The following HS3ST3B1 variants were observed in gnomAD, a reference collection of about 807,000 sequenced individuals.
HS3ST3B1 encodes heparan sulfate glucosamine 3-O-sulfotransferase 3B1.
HS3ST3B1 carries 13 observed loss-of-function variants against 21.3 expected under a neutral mutation model. The observed-to-expected ratio is 0.61, with a 90% CI of 0.40 to 0.97. The LOEUF is 0.97. Among genes scored for constraint, HS3ST3B1 ranks in the 50% least tolerant of loss-of-function variants. The pLI is 0.00. For missense variants in HS3ST3B1, 459 were observed against 554.8 expected (o/e 0.83, Z 1.73); for synonymous variants, 234 against 254.8 (o/e 0.92, Z 0.78).
intron 1 of HS3ST3B1, among the ~76,000 whole-genome samples, chr17:14,321,002 A>C (rs886688598): frequency 5.3e-5 from 8 of 152,190 alleles, no homozygotes; most frequent in African/African-American, 1.9e-4. Flanking sequence ...ATGTGTGTGT[A>C]CAACCTTGAT....
chr17:14,329,288 G>GGAAA (rs1473711113), intron 1 of HS3ST3B1: 112 of 125,922 alleles, frequency 8.9e-4, no homozygotes, highest in African/African-American at 3.0e-3. Context: ...TGTGCCATGA[G>GGAAA]GAAATAAAGA....
intron 1 of HS3ST3B1, among the ~76,000 whole-genome samples, chr17:14,334,257 G>GT (rs1390308961): frequency 2.8e-5 from 4 of 145,234 alleles, no homozygotes; most frequent in Non-Finnish European, 3.0e-5. Flanking sequence ...AGATTCCAGT[G>GT]TTTTTTCATG....
chr17:14,317,781 A>G (rs1254649015), intron 1 of HS3ST3B1, among the ~76,000 whole-genome samples: 2 of 152,274 alleles, frequency 1.3e-5, no homozygotes, highest in African/African-American at 4.8e-5. Flanking sequence ...TATCCTACAG[A>G]CAAGGGAGTT....
At chr17:14,330,553 G>GTGTA (rs1327041598) in intron 1 of HS3ST3B1, among the ~76,000 whole-genome samples, 2 of 133,638 alleles carry the variant, frequency 1.5e-5, no homozygotes, top group African/African-American at 7.3e-5. Context: ...GTTTCCCGGT[G>GTGTA]TGTGTGTGTG....
intron 1 of HS3ST3B1, chr17:14,328,201 C>T (rs1909877369): frequency 6.6e-6 from 1 of 152,224 alleles, no homozygotes; most frequent in South Asian, 2.1e-4. Flanking sequence ...ATGGAACCTA[C>T]TCAAATAATG....
At chr17:14,326,705 G>A (rs1235071639) in intron 1 of HS3ST3B1, among the ~76,000 whole-genome samples, 1 of 151,930 alleles carries the variant, frequency 6.6e-6, no homozygotes, top group African/African-American at 2.4e-5. Flanking sequence ...GATCACTTGA[G>A]GTCAGGGGTT....
At position 14,347,251 on chromosome 17, in the gene HS3ST3B1, C is replaced by T. The variant is rs1481623813; in HGVS notation, c.*1605C>T. The T allele has an allele frequency of 3.3e-5, 5 of 152,326 alleles. No homozygotes were observed. The East Asian group carries it at 9.7e-4, about 29-fold the overall frequency. 9.4% of individuals were successfully genotyped at this position (152,326 alleles called of 1,614,324 possible). On this transcript the variant is annotated 3_prime_UTR_variant, in exon 2 of 2. Coordinates refer to ENST00000360954, the MANE Select transcript of HS3ST3B1 (RefSeq NM_006041.3). ...TTGACAGAAGGGTTACCAGCACTGT[C>T]ACTGCTCTACAGAATGCTCTCCCCG...
rs1040125726 is a variant in HS3ST3B1 at position 14,303,816 on chromosome 17, G to A, written c.554+1744G>A. Reference sequence around the variant, plus strand: ...CAGGCTATAACTAGCGCCCTTCCAGGTGGAACCCGCCAGAGCCCCGAGGCA... The same window carrying A: ...CAGGCTATAACTAGCGCCCTTCCAGATGGAACCCGCCAGAGCCCCGAGGCA... On this transcript the variant is annotated intron_variant, in intron 1 of 1. Transcript: ENST00000360954. The surrounding 1 kb of genome is among the most constrained non-coding windows in gnomAD (Gnocchi z 5.7). 1 of 152,276 alleles carries A rather than the reference G, an allele frequency of 6.6e-6. No individual in the cohort carries two copies. Among genetic ancestry groups the A allele is most frequent in the Admixed American group, 6.5e-5 (1 of 15,278 alleles). The allele number at this position is 152,276 out of a possible 1,614,324, so 9.4% of individuals were successfully genotyped here.
intron 1 of HS3ST3B1, among the ~76,000 whole-genome samples, chr17:14,326,846 G>C (rs948133161): frequency 1.3e-5 from 2 of 150,686 alleles, no homozygotes; most frequent in African/African-American, 4.9e-5. Context: ...GCTTGAACCC[G>C]GGAGGTGGAG....
At chr17:14,327,756 TG>T (rs1270024960) in intron 1 of HS3ST3B1, 1 of 152,250 alleles carries the variant, frequency 6.6e-6, no homozygotes, top group Non-Finnish European at 1.5e-5. Flanking sequence ...TTCATTTATT[TG>T]TTCATTCAAC....
intron 1 of HS3ST3B1, chr17:14,329,584 A>G (rs1909940270): frequency 6.6e-6 from 1 of 152,116 alleles, no homozygotes; most frequent in Non-Finnish European, 1.5e-5. Context: ...AAGAAAAGAA[A>G]GAGCTTGTGT....
At chr17:14,302,449 G>A (rs553529684) in intron 1 of HS3ST3B1, among the ~76,000 whole-genome samples, 4 of 152,314 alleles carry the variant, frequency 2.6e-5, no homozygotes, top group Non-Finnish European at 5.9e-5. Context: ...CGGAGCCCGA[G>A]ACGCTGGGAA....
chr17:14,343,296 A>G (rs995751108), intron 1 of HS3ST3B1, among the ~76,000 whole-genome samples: 1 of 152,174 alleles, frequency 6.6e-6, no homozygotes, highest in South Asian at 2.1e-4. Flanking sequence ...TAACATATCC[A>G]TCACCTCACC....
chr17:14,339,729 CATA>C (rs1197227037), intron 1 of HS3ST3B1, among the ~76,000 whole-genome samples: 1 of 152,190 alleles, frequency 6.6e-6, no homozygotes, highest in Non-Finnish European at 1.5e-5. Flanking sequence ...AACTGGTTTT[CATA>C]ATGAGTGACT....
intron 1 of HS3ST3B1, among the ~76,000 whole-genome samples, chr17:14,338,907 G>C (rs191234136): frequency 9.2e-5 from 14 of 152,150 alleles, no homozygotes; most frequent in African/African-American, 3.4e-4. Context: ...GGGGTGACAA[G>C]CCTGCCTTGC....
At chr17:14,338,495 T>A (rs1300269038) in intron 1 of HS3ST3B1, among the ~76,000 whole-genome samples, 4 of 151,544 alleles carry the variant, frequency 2.6e-5, no homozygotes, top group Admixed American at 6.6e-5. Context: ...CAGGCTGGAG[T>A]GCAATGGCAC....
chr17:14,306,248 T>A (rs1909136655), intron 1 of HS3ST3B1, among the ~76,000 whole-genome samples: 1 of 152,178 alleles, frequency 6.6e-6, no homozygotes. Context: ...CCGTGTCAGT[T>A]TCATTTTTCT....
chr17:14,319,261 G>T (rs1392977679), intron 1 of HS3ST3B1, among the ~76,000 whole-genome samples: 1 of 152,162 alleles, frequency 6.6e-6, no homozygotes, highest in Non-Finnish European at 1.5e-5. Flanking sequence ...TTTGGATTTG[G>T]TGCTGTTTTG....
chr17:14,345,168 C>T lies in HS3ST3B1; in HGVS notation c.695C>T (p.Thr232Ile). ...KLIVVVRDPV[T>I]RAISDYTQTL... ...ATCGTGGTGGTGCGGGACCCGGTGACCAGGGCCATCTCGGACTACACGCAG... is the reference window on the plus strand; with the variant it reads ...ATCGTGGTGGTGCGGGACCCGGTGATCAGGGCCATCTCGGACTACACGCAG... Residue 232 changes from threonine to isoleucine, a missense_variant, in exon 2 of 2, where the codon ACC (threonine) becomes ATC (isoleucine). This residue lies in a region of HS3ST3B1 where 15 missense variants were observed against 66.3 expected (regional missense o/e 0.23). Transcript: ENST00000360954. 6.3e-7 allele frequency: 1 copy of T among 1,581,052 alleles called. No individual in the cohort carries two copies. The highest frequency in any genetic ancestry group is 1.7e-4 in the Middle Eastern group (1 of 5,906).
Sources: gnomAD v4.1 joint callset for allele counts (sites outside exome capture counted in the v4.1 genomes callset) on GRCh38, gnomAD v4.1.1 for gene constraint, gnomAD v4.1.1 regional missense constraint, Gnocchi (gnomAD v3.1) non-coding constraint, MANE v1.5 for transcripts, NCBI Gene and HGNC (gene_info 2026-07-23, HGNC 2026-07-21) for gene names.